Variants in RPS6KA6 observed in about 807,000 individuals in gnomAD.
RPS6KA6 encodes the protein ribosomal protein S6 kinase A6.
In RPS6KA6, 27 loss-of-function variants were observed where a neutral mutation model predicts 65.4. That is an observed-to-expected ratio of 0.41 (90% CI 0.30 to 0.57). RPS6KA6 has a LOEUF of 0.57. Among genes scored for constraint, RPS6KA6 ranks in the 20% least tolerant of loss-of-function variants. The pLI, the probability that RPS6KA6 is intolerant of heterozygous loss-of-function variation, is 0.24. For synonymous variants in RPS6KA6, 190 were observed against 184.2 expected (o/e 1.03, Z -0.26); for missense variants, 486 against 555.6 (o/e 0.87, Z 1.26).
chrX:84,148,061 T>A lies in RPS6KA6; in HGVS notation c.321A>T (p.Leu107Phe), dbSNP rs1443874429. ...DAGQLYAMKV[L>F]KKASLKVRDR... is the part of the protein sequence containing the mutation. Reference sequence around the variant, plus strand: ...TTCTACCTTTTAAAGAGGCTTTTTTTAACACCTTCATTGCATAGAGCTGCC... The same window carrying A: ...TTCTACCTTTTAAAGAGGCTTTTTTAAACACCTTCATTGCATAGAGCTGCC... The change falls in exon 4 of 22, where the codon TTA (leucine) becomes TTT (phenylalanine). Residue 107 changes from leucine (L) to phenylalanine (F), a missense_variant. Physicochemically the swap from Leu to Phe is conservative, Grantham distance 22 (BLOSUM62 0). This residue lies in a region of RPS6KA6 where 106 missense variants were observed against 105.0 expected (regional missense o/e 1.01). Transcript: ENST00000262752. 1.6e-5 allele frequency: 19 copies of A among 1,171,093 alleles called. No homozygotes were observed. Among genetic ancestry groups the A allele is most frequent in the Non-Finnish European group, 2.0e-5 (17 of 871,371 alleles).
chrX:84,103,899 C>A (rs1305029387), intron 17 of RPS6KA6, among the ~76,000 whole-genome samples: 1 of 110,721 alleles, frequency 9.0e-6, no homozygotes, highest in Non-Finnish European at 1.9e-5. Flanking sequence ...TCTACTATTA[C>A]AACTGATTCA....
chrX:84,145,213 G>A (rs1040704188), intron 6 of RPS6KA6, among the ~76,000 whole-genome samples: 2 of 110,947 alleles, frequency 1.8e-5, no homozygotes, highest in African/African-American at 6.5e-5. Flanking sequence ...GAGGTGTTTA[G>A]GTAGCTTGAG....
chrX:84,139,240 G>T (rs754614091), intron 6 of RPS6KA6, among the ~76,000 whole-genome samples: 1 of 111,952 alleles, frequency 8.9e-6, no homozygotes, highest in Non-Finnish European at 1.9e-5. Context: ...GGTCTGAAGA[G>T]TTTAAAAGAA....
intron 8 of RPS6KA6, among the ~76,000 whole-genome samples, chrX:84,122,152 A>T (rs904014474): frequency 3.6e-5 from 4 of 110,991 alleles, no homozygotes; most frequent in Non-Finnish European, 7.5e-5. Flanking sequence ...AGGGTAGAAG[A>T]GACAGTCATG....
At chrX:84,186,955 T>A (rs915865543) in intron 1 of RPS6KA6, 1 of 112,091 alleles carries the variant, frequency 8.9e-6, no homozygotes, top group South Asian at 3.7e-4. Flanking sequence ...TGTGTACATC[T>A]AAGTTCTCAC....
At chrX:84,182,082 C>A (rs2035864944) in intron 1 of RPS6KA6, among the ~76,000 whole-genome samples, 1 of 108,899 alleles carries the variant, frequency 9.2e-6, no homozygotes, top group Non-Finnish European at 1.9e-5. Flanking sequence ...CACACACACA[C>A]ACACACACAC....
intron 1 of RPS6KA6, among the ~76,000 whole-genome samples, chrX:84,182,984 A>G (rs748315002): frequency 8.9e-6 from 1 of 112,562 alleles, no homozygotes; most frequent in African/African-American, 3.2e-5. Flanking sequence ...TGTTTTAGCT[A>G]GTAATAAGTG....
intron 20 of RPS6KA6, among the ~76,000 whole-genome samples, chrX:84,084,260 C>T (rs1299018653): frequency 8.9e-6 from 1 of 111,890 alleles, no homozygotes; most frequent in East Asian, 2.8e-4. Flanking sequence ...CTGCTTTTGT[C>T]ATTTTTGTCA....
In RPS6KA6 at chrX:84,062,564, T is replaced by C. The variant is rs16979793; in HGVS notation, c.*1713A>G. The C allele has an allele frequency of 9.0e-6, 1 of 111,488 alleles. No homozygotes were observed. The highest frequency in any genetic ancestry group is 1.9e-5 in the Non-Finnish European group (1 of 52,885). The allele number at this position is 111,488 out of a possible 1,213,427, so 9.2% of individuals were successfully genotyped here. On this transcript the variant is annotated 3_prime_UTR_variant, in exon 22 of 22. Transcript: ENST00000262752. ...ATACCTAACTACTTCTAAGTAATTA[T>C]TTTTCATGTGGCATAAATTGTTATT...
At chrX:84,097,957 TTCAATCATTTTATG>T (rs2034189144) in intron 18 of RPS6KA6, 109 bp from the exon 19 acceptor site, 1 of 556,394 alleles carries the variant, frequency 1.8e-6, no homozygotes, top group Admixed American at 3.1e-5. Context: ...ATATAAAAAC[TTCAATCATTTTATG>T]CACTTGTAGT....
In RPS6KA6 at chrX:84,092,017, A is replaced by G. The variant is rs144969016; in HGVS notation, c.1971+4177T>C. Among the ~76,000 whole-genome samples, 691 of 110,610 alleles carry G rather than the reference A, an allele frequency of 6.2e-3. 11 individuals are homozygous for G. Among genetic ancestry groups the G allele is most frequent in the African/African-American group, 0.021 (650 of 30,381 alleles). On this transcript the variant is annotated intron_variant, in intron 20 of 21. Coordinates refer to ENST00000262752, the MANE Select transcript of RPS6KA6 (RefSeq NM_014496.5). Reference sequence around the variant, plus strand: ...GGACACAGGGAAGGAAACCACACACAATCAGGACCTGGTCCTGTTGGGGGA... The same window carrying G: ...GGACACAGGGAAGGAAACCACACACGATCAGGACCTGGTCCTGTTGGGGGA...
At chrX:84,078,157 G>C (rs2033701278) in intron 20 of RPS6KA6, among the ~76,000 whole-genome samples, 1 of 111,853 alleles carries the variant, frequency 8.9e-6, no homozygotes, top group African/African-American at 3.2e-5. Context: ...CAGTGAAAAA[G>C]GGAAAGGTAA....
chrX:84,149,801 T>C (rs1309781923), intron 3 of RPS6KA6, among the ~76,000 whole-genome samples: 1 of 111,524 alleles, frequency 9.0e-6, no homozygotes, highest in East Asian at 2.8e-4. Context: ...CAAATGAGCA[T>C]TGGCTTCAAC....
At chrX:84,171,583 T>C (rs755767382) in intron 1 of RPS6KA6, among the ~76,000 whole-genome samples, 1 of 112,173 alleles carries the variant, frequency 8.9e-6, no homozygotes, top group South Asian at 3.7e-4. Flanking sequence ...AAACTTAAAA[T>C]TGAGCAGTTC....
At chrX:84,168,840 TCA>T (rs2035637428) in intron 1 of RPS6KA6, among the ~76,000 whole-genome samples, 1 of 111,486 alleles carries the variant, frequency 9.0e-6, no homozygotes, top group African/African-American at 3.3e-5. Flanking sequence ...GGAAATTATC[TCA>T]GTCAGAAATG....
In RPS6KA6 at chrX:84,097,836, G is replaced by T; in HGVS notation, c.1789C>A (p.Gln597Lys). The T allele has an allele frequency of 1.7e-6, 2 of 1,186,839 alleles. No individual in the cohort carries two copies. The highest frequency in any genetic ancestry group is 2.3e-6 in the Non-Finnish European group (2 of 876,073). ...NFVAPEVLMQ[Q>K]GYDAACDIWS... is the part of the protein sequence containing the mutation. ...ATATCACAAGCAGCATCATATCCCT[G>T]TTGCATAAGAACCTAAGAAAGAAAT... Residue 597 changes from glutamine to lysine, a missense_variant, in exon 19 of 22, where the codon CAG becomes AAG. By Grantham distance (53) the Gln-to-Lys change is moderately conservative. Transcript: ENST00000262752.
chrX:84,160,982 T>G (rs777341047), intron 2 of RPS6KA6, among the ~76,000 whole-genome samples: 5 of 110,913 alleles, frequency 4.5e-5, no homozygotes, highest in Non-Finnish European at 7.6e-5. Flanking sequence ...TTGGTTTGGT[T>G]TATTCTACTT....
intron 20 of RPS6KA6, among the ~76,000 whole-genome samples, chrX:84,066,791 C>T (rs377604344): frequency 8.9e-6 from 1 of 111,990 alleles, no homozygotes; most frequent in Non-Finnish European, 1.9e-5. Flanking sequence ...CAGACTGCCT[C>T]CTAAAGTGGG....
chrX:84,070,274 G>T (rs1013761270), intron 20 of RPS6KA6, among the ~76,000 whole-genome samples: 1 of 111,341 alleles, frequency 9.0e-6, no homozygotes, highest in Non-Finnish European at 1.9e-5. Context: ...AACCATCATT[G>T]TCAGCAAACT....
Sources: gnomAD v4.1 joint callset for allele counts (sites outside exome capture counted in the v4.1 genomes callset) on GRCh38, gnomAD v4.1.1 for gene constraint, gnomAD v4.1.1 regional missense constraint, MANE v1.5 for transcripts, NCBI Gene and HGNC (gene_info 2026-07-23, HGNC 2026-07-21) for gene names.